Variants in ARMH4 observed in about 807,000 individuals in gnomAD.
The protein encoded by ARMH4 is armadillo-like helical domain-containing protein 4.
A neutral mutation model predicts 61.9 loss-of-function variants in ARMH4; 49 were observed. The ratio of observed to expected loss-of-function variants is 0.79; its 90% CI spans 0.63 to 1.00. ARMH4 has a LOEUF of 1.00. ARMH4 is among the 50% of genes least tolerant of loss of function. The pLI is 0.00. For synonymous variants in ARMH4, 368 were observed against 341.5 expected, an observed-to-expected ratio of 1.08 and a Z score of -0.85; for missense variants, 934 against 930.0, an observed-to-expected ratio of 1.00 and a Z score of -0.06.
intron 4 of ARMH4, chr14:58,101,434 T>C (rs1452816853): frequency 6.6e-6 from 1 of 152,258 alleles, no homozygotes; most frequent in Admixed American, 6.5e-5. Context: ...ACAGAAGTGA[T>C]GAGCAGGAAA....
At chr14:58,018,657 C>T (rs1309219488) in intron 5 of ARMH4, among the ~76,000 whole-genome samples, 1 of 152,032 alleles carries the variant, frequency 6.6e-6, no homozygotes, top group Non-Finnish European at 1.5e-5. Flanking sequence ...AAAGGAAATC[C>T]CTGTACACTG....
Position 58,138,424 on chromosome 14 carries a change from TCACTTAAGG to T in ARMH4, c.926_934del (p.Ala309_Ser311del), listed in dbSNP as rs750062792. 1.0e-4 allele frequency: 166 copies of T among 1,614,100 alleles called. No individual in the cohort carries two copies. The highest frequency in any genetic ancestry group is 1.3e-4 in the Non-Finnish European group (156 of 1,180,038). ...CTCTAATTTGGTGTCATCCCACTCA[TCACTTAAGG>T]CAGAGGCAGCTGGAACAGCTGTGCT... On this transcript the variant is annotated inframe_deletion, in exon 2 of 8. Coordinates refer to ENST00000267485, the MANE Select transcript of ARMH4 (RefSeq NM_001001872.4).
chr14:58,022,012 C>T (rs922698425), intron 5 of ARMH4, among the ~76,000 whole-genome samples: 1 of 152,100 alleles, frequency 6.6e-6, no homozygotes, highest in Non-Finnish European at 1.5e-5. Context: ...TGGAATAAAG[C>T]AACACACATT....
At chr14:58,065,396 C>T (rs1313248384) in intron 5 of ARMH4, among the ~76,000 whole-genome samples, 2 of 152,196 alleles carry the variant, frequency 1.3e-5, no homozygotes, top group Non-Finnish European at 2.9e-5. Context: ...TCATATTCCT[C>T]GAAGAACCTC....
chr14:58,144,281 G>A (rs1020249588), intron 1 of ARMH4, among the ~76,000 whole-genome samples: 1 of 151,742 alleles, frequency 6.6e-6, no homozygotes, highest in Non-Finnish European at 1.5e-5. Context: ...CGTAATGAAG[G>A]GGCCAGGTGC....
In ARMH4 at chr14:58,138,048, A is replaced by C; in HGVS notation, c.1311T>G (p.Thr437=). The C allele has an allele frequency of 6.2e-7, 1 of 1,613,972 alleles. No individual in the cohort carries two copies. The highest frequency in any genetic ancestry group is 8.5e-7 in the Non-Finnish European group (1 of 1,179,846). ...ENDALFFLET[T]VSVSVYESEA... is the part of the protein sequence containing the mutation. The stretch of plus-strand genomic sequence containing the variant: ...CAGACTCATATACAGAGACAGAAAC[A>C]GTGGTTTCTAAGAAAAACAGGGCAT... Residue 437 remains threonine (T), a synonymous_variant, in exon 2 of 8, where the codon ACT becomes ACG. Coordinates refer to ENST00000267485, the MANE Select transcript of ARMH4 (RefSeq NM_001001872.4).
At chr14:58,012,259 A>C (rs1882437519) in intron 5 of ARMH4, 109 bp from the exon 6 acceptor site, 1 of 600,188 alleles carries the variant, frequency 1.7e-6, no homozygotes, top group African/African-American at 1.9e-5. Context: ...ATACAGTAAA[A>C]GGATTAACAA....
rs541194578 is a variant in ARMH4 at position 58,081,960 on chromosome 14, T to C, written c.2089+14764A>G. On this transcript the variant is annotated intron_variant, in intron 5 of 7. Coordinates refer to ENST00000267485, the MANE Select transcript of ARMH4 (RefSeq NM_001001872.4). ...CCTGGGAAGGGAAAAAAAAAAACCT[T>C]AGATGCTAAAATATAGGCAGGATAC... is the stretch of plus-strand genomic sequence containing the variant. Among the ~76,000 whole-genome samples, 7 of 152,140 alleles carry C rather than the reference T, an allele frequency of 4.6e-5. No individual in the cohort carries two copies. In the South Asian group the frequency reaches 6.2e-4, roughly 14 times the overall value.
chr14:58,004,366 G>T lies in ARMH4; in HGVS notation c.*370C>A. On this transcript the variant is annotated 3_prime_UTR_variant, in exon 8 of 8. Transcript: ENST00000267485. ...TCTCAGAGTCAAGCATGCCTTGGTG[G>T]CAACAATCATTATTCTCAATGCAGG... 6.1e-6 allele frequency: 1 copy of T among 163,944 alleles called. No individual in the cohort carries two copies. Among genetic ancestry groups the T allele is most frequent in the South Asian group, 1.8e-4 (1 of 5,530 alleles). 10.2% of individuals were successfully genotyped at this position (163,944 alleles called of 1,614,324 possible).
intron 5 of ARMH4, among the ~76,000 whole-genome samples, chr14:58,047,565 CA>C (rs1396666751): frequency 6.6e-6 from 1 of 152,122 alleles, no homozygotes; most frequent in African/African-American, 2.4e-5. Context: ...ACTTCTTGCC[CA>C]AAATCACACA....
intron 5 of ARMH4, among the ~76,000 whole-genome samples, chr14:58,040,871 T>A (rs1233306422): frequency 6.6e-6 from 1 of 152,192 alleles, no homozygotes; most frequent in Admixed American, 6.5e-5. Flanking sequence ...AGAAGATGGT[T>A]TCTAAGGGAG....
chr14:58,122,532 C>A (rs561965678), intron 4 of ARMH4, among the ~76,000 whole-genome samples: 5 of 152,120 alleles, frequency 3.3e-5, no homozygotes, highest in Non-Finnish European at 7.4e-5. Flanking sequence ...ACCTTAGGCC[C>A]GGAGCAAAAC....
chr14:58,147,816 G>C (rs551279414), intron 1 of ARMH4, among the ~76,000 whole-genome samples: 2 of 152,128 alleles, frequency 1.3e-5, no homozygotes, highest in Non-Finnish European at 1.5e-5. Flanking sequence ...TTGCCTAAGG[G>C]ATAGTGTCTG....
intron 5 of ARMH4, among the ~76,000 whole-genome samples, chr14:58,045,304 G>C (rs530553748): frequency 2.3e-4 from 35 of 152,236 alleles, no homozygotes; most frequent in African/African-American, 7.7e-4. Context: ...GAGTTCATGT[G>C]CTTTGTAGGG....
At chr14:58,116,389 T>C in intron 4 of ARMH4, 1 of 379,758 alleles carries the variant, frequency 2.6e-6, no homozygotes, top group Non-Finnish European at 5.5e-6. Flanking sequence ...TTAAATATTT[T>C]CTTGGCTGGG....
Position 58,087,353 on chromosome 14 carries a change from C to T in ARMH4, c.2089+9371G>A, listed in dbSNP as rs555854286. On this transcript the variant is annotated intron_variant, in intron 5 of 7. Transcript: ENST00000267485. ...ATTTTAACAACCAAGGTTAATTTTTCTTCCTCAACATAGGAACATCCTCAG... is the reference window on the plus strand; with the variant it reads ...ATTTTAACAACCAAGGTTAATTTTTTTTCCTCAACATAGGAACATCCTCAG... Among the ~76,000 whole-genome samples, 3 of 152,256 alleles carry T rather than the reference C, an allele frequency of 2.0e-5. No homozygotes were observed. In the South Asian group the frequency reaches 6.2e-4, roughly 32 times the overall value.
rs1260349777 is a variant in ARMH4 at position 58,003,438 on chromosome 14, A to G, written c.*1298T>C. On this transcript the variant is annotated 3_prime_UTR_variant, in exon 8 of 8. Transcript: ENST00000267485. ...GTGCAACTTTTCTTGAACATAGTAG[A>G]CAACTTCTAATAAACACCAACAAGT... 1 of 152,220 alleles carries G rather than the reference A, an allele frequency of 6.6e-6. No homozygotes were observed. The highest frequency in any genetic ancestry group is 1.5e-5 in the Non-Finnish European group (1 of 68,038). The allele number at this position is 152,220 out of a possible 1,614,324, so 9.4% of individuals were successfully genotyped here.
At chr14:58,097,215 T>C (rs537500234) in intron 4 of ARMH4, among the ~76,000 whole-genome samples, 68 of 152,360 alleles carry the variant, frequency 4.5e-4, no homozygotes, top group African/African-American at 1.5e-3. Context: ...GTATTATGTT[T>C]ACTGGGAGTC....
In ARMH4 at chr14:58,138,574, G is replaced by A; in HGVS notation, c.785C>T (p.Ala262Val). 6.2e-7 allele frequency: 1 copy of A among 1,614,234 alleles called. No individual in the cohort carries two copies. Among genetic ancestry groups the A allele is most frequent in the Non-Finnish European group, 8.5e-7 (1 of 1,180,048 alleles). The change falls in exon 2 of 8, where the codon GCT (alanine) becomes GTT (valine). Residue 262 changes from alanine to valine, a missense_variant. Coordinates refer to ENST00000267485, the MANE Select transcript of ARMH4 (RefSeq NM_001001872.4). ...PDKEKPSQMT[A>V]DNTQAAATKQ... ...GGTGGCAGCAGCCTGGGTGTTATCA[G>A]CTGTCATCTGCGAAGGCTTCTCCTT...
Sources: allele counts gnomAD v4.1 joint callset (sites outside exome capture counted in the v4.1 genomes callset), GRCh38; gene constraint gnomAD v4.1.1; transcripts MANE v1.5; gene names NCBI Gene and HGNC (gene_info 2026-07-23, HGNC 2026-07-21).